Variants in KANSL1 observed in about 807,000 individuals in gnomAD.
KANSL1 encodes KAT8 regulatory NSL complex subunit 1, also known as MLL1/MLL complex subunit KANSL1.
KANSL1 carries 22 observed loss-of-function variants against 103.6 expected under a neutral mutation model. The observed-to-expected ratio is 0.21, with a 90% CI of 0.15 to 0.30. KANSL1 has a LOEUF of 0.30. KANSL1 is among the 10% of genes least tolerant of loss of function. The pLI is 1.00. For synonymous variants in KANSL1, 600 were observed against 527.6 expected (o/e 1.14, Z -1.88); for missense variants, 1,337 against 1,399.8 (o/e 0.96, Z 0.72).
chr17:46,117,428 A>G (rs2043092259), intron 2 of KANSL1, among the ~76,000 whole-genome samples: 2 of 152,210 alleles, frequency 1.3e-5, no homozygotes, highest in African/African-American at 4.8e-5. Flanking sequence ...TGTTTTATTC[A>G]CTGATGTATC....
intron 2 of KANSL1, among the ~76,000 whole-genome samples, chr17:46,105,949 C>CACACACACACACACACACA (rs1567680988): frequency 1.6e-3 from 81 of 49,282 alleles, no homozygotes; most frequent in African/African-American, 4.7e-3. Context: ...ACACACACAC[C>CACACACACACACACACACA]CCCCCAGAAG....
chr17:46,032,333 G>A (rs753364053), intron 13 of KANSL1, 34 bp from the exon 14 acceptor site: 2 of 1,490,586 alleles, frequency 1.3e-6, no homozygotes, highest in East Asian at 4.6e-5. Context: ...TGAGTGCCTG[G>A]GAAATGTTTA....
chr17:46,199,786 A>C (rs1190520056), intron 1 of KANSL1, among the ~76,000 whole-genome samples: 1 of 152,198 alleles, frequency 6.6e-6, no homozygotes, highest in Non-Finnish European at 1.5e-5. Flanking sequence ...TAAATGTACT[A>C]GTAAGTCTAG....
At chr17:46,155,665 G>A (rs553407071) in intron 2 of KANSL1, among the ~76,000 whole-genome samples, 1 of 152,238 alleles carries the variant, frequency 6.6e-6, no homozygotes, top group African/African-American at 2.4e-5. Flanking sequence ...TGGTGCCTCT[G>A]TTAAGAAAAC....
intron 7 of KANSL1, among the ~76,000 whole-genome samples, chr17:46,047,563 G>T (rs955678701): frequency 1.2e-4 from 19 of 152,104 alleles, no homozygotes. Flanking sequence ...AAGATGGGTG[G>T]ATCACTTGAG....
In KANSL1 at chr17:46,031,178, G is replaced by T. The variant is rs557530485; in HGVS notation, c.*298C>A. 3 of 470,388 alleles carry T rather than the reference G, an allele frequency of 6.4e-6. No individual in the cohort carries two copies. In the East Asian group the frequency reaches 1.0e-4, roughly 16 times the overall value. 29.1% of individuals were successfully genotyped at this position (470,388 alleles called of 1,614,324 possible). On this transcript the variant is annotated 3_prime_UTR_variant, in exon 15 of 15. Transcript: ENST00000432791. ...GGGAGGGGGTGGTCATCTAAGATCA[G>T]TAAGTCCAGTGATTCAACAGTGCAG...
At chr17:46,048,060 A>G (rs1383251983) in intron 7 of KANSL1, among the ~76,000 whole-genome samples, 1 of 151,818 alleles carries the variant, frequency 6.6e-6, no homozygotes, top group African/African-American at 2.4e-5. Flanking sequence ...GGCGTGTGCC[A>G]CCACGCCCAG....
intron 1 of KANSL1, among the ~76,000 whole-genome samples, chr17:46,178,617 T>C (rs992569610): frequency 2.6e-5 from 4 of 152,194 alleles, no homozygotes; most frequent in African/African-American, 7.2e-5. Context: ...CTATAAAAGG[T>C]TGGGCTAGAT....
chr17:46,164,094 C>G (rs1301895425), intron 2 of KANSL1, among the ~76,000 whole-genome samples: 1 of 152,256 alleles, frequency 6.6e-6, no homozygotes, highest in Non-Finnish European at 1.5e-5. Flanking sequence ...CTTGAGGATA[C>G]AAACTTAGCT....
At position 46,103,879 on chromosome 17, in the gene KANSL1, T is replaced by A. The variant is rs181595850; in HGVS notation, c.1290-9178A>T. On this transcript the variant is annotated intron_variant, in intron 2 of 14. Transcript: ENST00000432791. ...TGTCTCTACTAAAAATACAAAAAAA[T>A]TGGCCAGGCGTGGTGGCCTGGGCCT... is the stretch of plus-strand genomic sequence containing the variant. Among the ~76,000 whole-genome samples, 1,450 of 152,198 alleles carry A rather than the reference T, an allele frequency of 9.5e-3. 21 individuals carry two copies. The highest frequency in any genetic ancestry group is 0.034 in the African/African-American group (1,401 of 41,516).
At chr17:46,119,109 T>C (rs2043166910) in intron 2 of KANSL1, among the ~76,000 whole-genome samples, 1 of 152,238 alleles carries the variant, frequency 6.6e-6, no homozygotes. Flanking sequence ...GAATGCTTCC[T>C]TTGTTCCGGG....
chr17:46,038,745 A>G (rs2077225362), intron 9 of KANSL1, 59 bp from the exon 10 acceptor site: 1 of 1,600,668 alleles, frequency 6.2e-7, no homozygotes, highest in East Asian at 2.2e-5. Flanking sequence ...CGTTACTTCT[A>G]ACACAAGCTT....
At chr17:46,032,547 T>C in intron 13 of KANSL1, 1 of 426,734 alleles carries the variant, frequency 2.3e-6, no homozygotes, top group East Asian at 3.4e-5. Context: ...CCTAGTGAAT[T>C]CAGGAGGTTA....
intron 1 of KANSL1, among the ~76,000 whole-genome samples, chr17:46,185,392 C>T (rs62060920): frequency 0.11 from 16,893 of 150,130 alleles, no homozygotes; most frequent in Non-Finnish European, 0.17. Context: ...CACCTGTACC[C>T]AGACTAGGAA....
At chr17:46,184,966 A>C (rs975936374) in intron 1 of KANSL1, among the ~76,000 whole-genome samples, 4 of 151,146 alleles carry the variant, frequency 2.6e-5, no homozygotes, top group African/African-American at 9.8e-5. Context: ...CAGCCTCCTG[A>C]GTAGCTGGGA....
At chr17:46,043,590 C>T (rs1488680021) in intron 7 of KANSL1, 1 of 152,160 alleles carries the variant, frequency 6.6e-6, no homozygotes, top group Non-Finnish European at 1.5e-5. Context: ...TCTTCCCAAA[C>T]AATACATTAA....
At chr17:46,065,485 A>G (rs1013091754) in intron 6 of KANSL1, among the ~76,000 whole-genome samples, 10 of 152,154 alleles carry the variant, frequency 6.6e-5, no homozygotes, top group African/African-American at 2.4e-4. Flanking sequence ...AATAACAGCC[A>G]CTTTGTACGA....
At chr17:46,085,656 A>T (rs1373183322) in intron 3 of KANSL1, among the ~76,000 whole-genome samples, 1 of 152,128 alleles carries the variant, frequency 6.6e-6, no homozygotes, top group African/African-American at 2.4e-5. Flanking sequence ...CATCCAGCTA[A>T]TTTTTGTATT....
chr17:46,082,643 C>G, intron 3 of KANSL1, 101 bp from the exon 4 acceptor site: 1 of 590,410 alleles, frequency 1.7e-6, no homozygotes, highest in Non-Finnish European at 3.0e-6. Context: ...TACTAGAGGC[C>G]CCCTCTTCCT....
Sources: allele counts gnomAD v4.1 joint callset (sites outside exome capture counted in the v4.1 genomes callset), GRCh38; gene constraint gnomAD v4.1.1; transcripts MANE v1.5; gene names NCBI Gene and HGNC (gene_info 2026-07-23, HGNC 2026-07-21).